Variants in SLC17A1 observed in about 807,000 individuals in gnomAD.
SLC17A1 encodes the protein sodium-dependent phosphate transport protein 1.
SLC17A1 carries 51 observed loss-of-function variants against 53.5 expected under a neutral mutation model. That is an observed-to-expected ratio of 0.95 (90% CI 0.76 to 1.20). The LOEUF (loss-of-function observed/expected upper bound fraction) is 1.20. Among genes scored for constraint, SLC17A1 ranks in the 50% most tolerant of loss-of-function variants. SLC17A1 has a pLI of 0.00. For synonymous variants in SLC17A1, 179 were observed against 198.8 expected (o/e 0.90, Z 0.84); for missense variants, 538 against 568.2 (o/e 0.95, Z 0.54).
At chr6:25,808,837 G>A (rs1000016275) in intron 10 of SLC17A1, among the ~76,000 whole-genome samples, 9 of 152,080 alleles carry the variant, frequency 5.9e-5, no homozygotes, top group African/African-American at 2.2e-4. Flanking sequence ...ATGGAAAACA[G>A]TATAGAGATT....
At chr6:25,736,315 C>T in the SLC17A1 span, among the ~76,000 whole-genome samples, 6 of 152,016 alleles carry the variant, frequency 3.9e-5, no homozygotes, top group African/African-American at 7.3e-5. Context: ...GCAAAATTTT[C>T]GGCTTGACAC....
the SLC17A1 span, chr6:25,726,999 C>T: frequency 4.3e-5 from 69 of 1,614,040 alleles, no homozygotes; most frequent in South Asian, 1.1e-4. Context: ...AGGCAAAAAG[C>T]GCAAGAGGAC....
intron 11 of SLC17A1, among the ~76,000 whole-genome samples, chr6:25,799,187 T>C (rs1338540213): frequency 1.3e-5 from 2 of 152,192 alleles, no homozygotes; most frequent in African/African-American, 4.8e-5. Flanking sequence ...ATTTTTTTAA[T>C]CTGATCTATT....
At chr6:25,819,389 T>C (rs1222521347) in intron 5 of SLC17A1, 122 bp downstream of exon 5, 10 of 838,848 alleles carry the variant, frequency 1.2e-5, no homozygotes, top group Admixed American at 4.7e-5. Flanking sequence ...GCAAGAATGC[T>C]GAAACAGATG....
chr6:25,768,998 C>A, the SLC17A1 span: 2 of 1,613,964 alleles, frequency 1.2e-6, no homozygotes, highest in African/African-American at 1.3e-5. Context: ...TTTGTTCAGT[C>A]CGACATGGGC....
At chr6:25,726,027 T>G in the SLC17A1 span, 12 of 1,002,780 alleles carry the variant, frequency 1.2e-5, no homozygotes, top group Admixed American at 4.8e-5. Context: ...TTAACAGCAG[T>G]AACGTTTTGT....
chr6:25,766,618 T>C, the SLC17A1 span, among the ~76,000 whole-genome samples: 1 of 152,160 alleles, frequency 6.6e-6, no homozygotes, highest in African/African-American at 2.4e-5. Context: ...TTGTTGACAG[T>C]GTGTGGCCTT....
Position 25,812,873 on chromosome 6 carries a change from A to G in SLC17A1, c.855T>C (p.Thr285=). 6.2e-7 allele frequency: 1 copy of G among 1,612,618 alleles called. No homozygotes were observed. The highest frequency in any genetic ancestry group is 8.5e-7 in the Non-Finnish European group (1 of 1,178,780). The change falls in exon 8 of 13, where the codon ACT becomes ACC. Residue 285 remains threonine, a synonymous_variant. Coordinates refer to ENST00000244527, the MANE Select transcript of SLC17A1 (RefSeq NM_005074.5). ...GAAGCATGGAGTTGATAAACATTGG[A>G]GTGTATAGTGTCATGATGTTATGTG... is the stretch of plus-strand genomic sequence containing the variant. The part of the protein sequence containing the change: ...FWSHNIMTLY[T]PMFINSMLHV...
chr6:25,818,128 C>T (rs1024782974), intron 6 of SLC17A1, among the ~76,000 whole-genome samples: 5 of 152,174 alleles, frequency 3.3e-5, no homozygotes, highest in African/African-American at 1.2e-4. Context: ...CCTCTGCTTC[C>T]ACCTGGATTT....
At chr6:25,778,608 G>A (rs982746424), downstream of SLC17A1, among the ~76,000 whole-genome samples, 5 of 152,090 alleles carry the variant, frequency 3.3e-5, no homozygotes, top group Admixed American at 2.6e-4. Context: ...TCCTTCCCTT[G>A]TGAAACCTAT....
chr6:25,735,590 A>C, the SLC17A1 span, among the ~76,000 whole-genome samples: 30 of 152,312 alleles, frequency 2.0e-4, no homozygotes, highest in African/African-American at 6.7e-4. Context: ...AACTACAACA[A>C]ACATTTAAGA....
chr6:25,759,354 T>G, the SLC17A1 span, among the ~76,000 whole-genome samples: 2 of 152,234 alleles, frequency 1.3e-5, no homozygotes, highest in Admixed American at 6.5e-5. Context: ...GTTTCTTTGC[T>G]GACTTTCTGT....
At chr6:25,751,764 G>A in the SLC17A1 span, among the ~76,000 whole-genome samples, 4 of 152,066 alleles carry the variant, frequency 2.6e-5, no homozygotes, top group Non-Finnish European at 5.9e-5. Context: ...TCAGTTTATT[G>A]GCTTTCATCT....
chr6:25,726,364 A>AC, the SLC17A1 span: 7 of 1,614,034 alleles, frequency 4.3e-6, no homozygotes, highest in East Asian at 1.6e-4. Flanking sequence ...ATACTCTAAC[A>AC]CTGCCGCCAA....
chr6:25,745,440 C>G, the SLC17A1 span, among the ~76,000 whole-genome samples: 17 of 152,226 alleles, frequency 1.1e-4, no homozygotes, highest in African/African-American at 4.1e-4. Flanking sequence ...ACAAACTATA[C>G]ATTTGAGAGA....
intron 12 of SLC17A1, among the ~76,000 whole-genome samples, chr6:25,783,797 CTTTT>C (rs748851816): frequency 7.0e-6 from 1 of 143,790 alleles, no homozygotes. Context: ...ACCACACACT[CTTTT>C]TTTTTTTTTT....
At chr6:25,737,035 T>C in the SLC17A1 span, among the ~76,000 whole-genome samples, 5 of 152,332 alleles carry the variant, frequency 3.3e-5, no homozygotes, top group South Asian at 1.0e-3. Flanking sequence ...ATTTAGTTTC[T>C]AGTTTAAGTT....
the SLC17A1 span, among the ~76,000 whole-genome samples, chr6:25,767,071 A>G: frequency 6.6e-6 from 1 of 152,194 alleles, no homozygotes; most frequent in Non-Finnish European, 1.5e-5. Context: ...GAACTCAACA[A>G]TTCTATATAT....
the SLC17A1 span, among the ~76,000 whole-genome samples, chr6:25,740,746 C>T: frequency 6.6e-6 from 1 of 152,094 alleles, no homozygotes; most frequent in Non-Finnish European, 1.5e-5. Flanking sequence ...TATAGCATTA[C>T]TCACAATAGC....
Sources: gnomAD v4.1 joint callset for allele counts (sites outside exome capture counted in the v4.1 genomes callset) on GRCh38, gnomAD v4.1.1 for gene constraint, MANE v1.5 for transcripts, NCBI Gene and HGNC (gene_info 2026-07-23, HGNC 2026-07-21) for gene names.